Variants in ROBO2 observed in about 807,000 individuals in gnomAD.
ROBO2 encodes the protein roundabout homolog 2.
ROBO2 carries 53 observed loss-of-function variants against 160.8 expected under a neutral mutation model. That is an observed-to-expected ratio of 0.33 (90% CI 0.26 to 0.41). The LOEUF (loss-of-function observed/expected upper bound fraction) is 0.41. Ranked by LOEUF, ROBO2 falls within the 10% of genes least tolerant of loss-of-function variation. The probability of loss-of-function intolerance (pLI) is 1.00; values close to 1 mark genes in which losing one functional copy is unlikely to be tolerated. For synonymous variants in ROBO2, 664 were observed against 611.7 expected, an observed-to-expected ratio of 1.09 and a Z score of -1.26; for missense variants, 1,577 against 1,722.4, an observed-to-expected ratio of 0.92 and a Z score of 1.49.
intron 12 of ROBO2, among the ~76,000 whole-genome samples, chr3:77,566,270 T>G (rs1224470548): frequency 2.0e-5 from 3 of 152,038 alleles, no homozygotes; most frequent in African/African-American, 7.2e-5. Context: ...CATTTTGCTA[T>G]TGTTCTCTAA....
rs1399974851 is a variant in ROBO2 at position 77,571,966 on chromosome 3, A to G, written c.1972-2533A>G. Among the ~76,000 whole-genome samples the G allele has an allele frequency of 2.0e-5, 3 of 151,902 alleles. No homozygotes were observed. The East Asian group carries it at 5.8e-4, about 29-fold the overall frequency. On this transcript the variant is annotated intron_variant, in intron 13 of 25. Coordinates refer to ENST00000461745, the Ensembl canonical transcript of ROBO2. ...TTAAACTATTTAATTATTAAGCCCC[A>G]TACGATATACTGGCCGATGATAGTG...
intron 2 of ROBO2, among the ~76,000 whole-genome samples, chr3:76,613,166 T>G (rs1454254692): frequency 6.6e-6 from 1 of 152,196 alleles, no homozygotes; most frequent in African/African-American, 2.4e-5. Flanking sequence ...ACTGGTTATT[T>G]TGTGGTGCTC....
At chr3:77,130,270 T>C (rs1474458446) in intron 2 of ROBO2, among the ~76,000 whole-genome samples, 1 of 152,208 alleles carries the variant, frequency 6.6e-6, no homozygotes, top group Non-Finnish European at 1.5e-5. Context: ...CACTGCACTG[T>C]ACGTTCGTTA....
chr3:76,240,209 C>T (rs954231406), intron 2 of ROBO2, among the ~76,000 whole-genome samples: 5 of 151,998 alleles, frequency 3.3e-5, no homozygotes, highest in African/African-American at 1.2e-4. Context: ...GTATACACTT[C>T]CCATAGTGGT....
At chr3:77,061,171 T>G (rs4377518) in intron 1 of ROBO2, among the ~76,000 whole-genome samples, 83,707 of 151,974 alleles carry the variant, frequency 0.55, 25,317 homozygotes, top group Middle Eastern at 0.72. Flanking sequence ...CATACATATG[T>G]TCATACAAAG....
At chr3:76,681,275 G>A (rs895429373) in intron 2 of ROBO2, among the ~76,000 whole-genome samples, 5 of 151,894 alleles carry the variant, frequency 3.3e-5, no homozygotes, top group Admixed American at 1.3e-4. Context: ...ACATGTGAGG[G>A]GAAAGCATAA....
chr3:76,397,347 G>A (rs552460094), intron 2 of ROBO2, among the ~76,000 whole-genome samples: 10 of 152,150 alleles, frequency 6.6e-5, no homozygotes, highest in South Asian at 2.1e-4. Context: ...AGACTTAAAC[G>A]TTACACCTAA....
intron 1 of ROBO2, among the ~76,000 whole-genome samples, chr3:77,053,671 C>G (rs968384534): frequency 6.6e-6 from 1 of 152,074 alleles, no homozygotes; most frequent in Non-Finnish European, 1.5e-5. Flanking sequence ...TCAGAACCTC[C>G]CCTCCCTGTC....
At chr3:75,954,225 A>G (rs1374424947) in intron 2 of ROBO2, among the ~76,000 whole-genome samples, 5 of 151,778 alleles carry the variant, frequency 3.3e-5, no homozygotes, top group African/African-American at 1.2e-4. Context: ...CATTTAATGC[A>G]TGTATATTTT....
chr3:76,461,275 T>C (rs754997312), intron 2 of ROBO2, among the ~76,000 whole-genome samples: 1 of 152,138 alleles, frequency 6.6e-6, no homozygotes, highest in Non-Finnish European at 1.5e-5. Flanking sequence ...GATCTCACTA[T>C]CATGAAGACA....
chr3:76,980,261 G>A (rs991825286), intron 2 of ROBO2, among the ~76,000 whole-genome samples: 2 of 152,162 alleles, frequency 1.3e-5, no homozygotes, highest in Non-Finnish European at 2.9e-5. Flanking sequence ...ACCACAATGG[G>A]CCTAAGTAAT....
intron 1 of ROBO2, among the ~76,000 whole-genome samples, chr3:77,046,728 T>C (rs1271424273): frequency 6.6e-6 from 1 of 152,214 alleles, no homozygotes; most frequent in East Asian, 1.9e-4. Flanking sequence ...CAGGCTCTTG[T>C]TACTGAAAAT....
intron 2 of ROBO2, among the ~76,000 whole-genome samples, chr3:77,397,580 C>T (rs2075398033): frequency 6.6e-6 from 1 of 152,050 alleles, no homozygotes; most frequent in Non-Finnish European, 1.5e-5. Flanking sequence ...TCTTGATGCC[C>T]TCCTGTGTAT....
chr3:77,511,227 T>C lies in ROBO2; in HGVS notation c.807-11548T>C, dbSNP rs370763899. 9.9e-5 allele frequency among the ~76,000 whole-genome samples: 15 copies of C among 151,988 alleles called. No individual in the cohort carries two copies. In the East Asian group the frequency reaches 1.7e-3, roughly 18 times the overall value. On this transcript the variant is annotated intron_variant, in intron 5 of 25. Coordinates refer to ENST00000461745, the Ensembl canonical transcript of ROBO2. Reference sequence around the variant, plus strand: ...GAAAATTAATCCCTGGAGCCTCCCATGTCTACCATGGGAATGTAAGATGGG... The same window carrying C: ...GAAAATTAATCCCTGGAGCCTCCCACGTCTACCATGGGAATGTAAGATGGG...
intron 2 of ROBO2, among the ~76,000 whole-genome samples, chr3:76,668,536 C>CAGA (rs2092142883): frequency 6.6e-6 from 1 of 152,072 alleles, no homozygotes; most frequent in African/African-American, 2.4e-5. Context: ...ATAAAAAACC[C>CAGA]AGAGATGGGC....
intron 2 of ROBO2, among the ~76,000 whole-genome samples, chr3:77,016,844 C>A (rs2062297698): frequency 6.6e-6 from 1 of 152,108 alleles, no homozygotes; most frequent in Non-Finnish European, 1.5e-5. Context: ...ACAATAAGAG[C>A]AATTTTGTTC....
chr3:76,149,090 T>G lies in ROBO2; in HGVS notation c.109+211488T>G, dbSNP rs9858857. On this transcript the variant is annotated intron_variant, in intron 2 of 26. Transcript: ENST00000487694. ...GCATTCTCACTCACTCAGTTTTTTT[T>G]TGTGTGTGTGTGATAAAAACTGATT... Among the ~76,000 whole-genome samples, 1,220 of 152,054 alleles carry G rather than the reference T, an allele frequency of 8.0e-3. 12 individuals are homozygous for G. Among genetic ancestry groups the G allele is most frequent in the African/African-American group, 0.023 (964 of 41,486 alleles).
chr3:75,968,370 T>C (rs1576329976), intron 2 of ROBO2, among the ~76,000 whole-genome samples: 1 of 151,540 alleles, frequency 6.6e-6, no homozygotes. Context: ...GCTGCTCTGA[T>C]AGTATTGAAG....
At chr3:76,631,931 A>G (rs2090058733) in intron 2 of ROBO2, among the ~76,000 whole-genome samples, 1 of 152,234 alleles carries the variant, frequency 6.6e-6, no homozygotes, top group South Asian at 2.1e-4. Context: ...GGTTTGGATT[A>G]AAATAATAAG....
Sources: gnomAD v4.1 joint callset for allele counts (sites outside exome capture counted in the v4.1 genomes callset) on GRCh38, gnomAD v4.1.1 for gene constraint, MANE v1.5 for transcripts, NCBI Gene and HGNC (gene_info 2026-07-23, HGNC 2026-07-21) for gene names.